Variants in GSK3B observed in about 807,000 individuals in gnomAD.
GSK3B encodes the protein glycogen synthase kinase-3 beta.
In GSK3B, 15 loss-of-function variants were observed where a neutral mutation model predicts 56.4. That is an observed-to-expected ratio of 0.27 (90% CI 0.18 to 0.41). The LOEUF (loss-of-function observed/expected upper bound fraction) is 0.41. Among genes scored for constraint, GSK3B ranks in the 10% least tolerant of loss-of-function variants. GSK3B has a pLI of 1.00. For synonymous variants in GSK3B, 181 were observed against 188.9 expected, an observed-to-expected ratio of 0.96 and a Z score of 0.34; for missense variants, 300 against 513.4, an observed-to-expected ratio of 0.58 and a Z score of 4.02.
At chr3:120,029,253 C>T in intron 1 of GSK3B, 2 of 721,550 alleles carry the variant, frequency 2.8e-6, no homozygotes, top group Non-Finnish European at 5.2e-6. Context: ...GTTATCACAG[C>T]TGCAAATGAA....
intron 3 of GSK3B, among the ~76,000 whole-genome samples, chr3:119,937,492 T>A (rs1056666810): frequency 5.3e-5 from 8 of 152,084 alleles, no homozygotes; most frequent in Admixed American, 6.5e-5. Flanking sequence ...CACATAAACC[T>A]CTTTCCTTTA....
intron 1 of GSK3B, among the ~76,000 whole-genome samples, chr3:120,066,945 G>A (rs139126145): frequency 0.021 from 3,194 of 152,136 alleles, 90 homozygotes; most frequent in South Asian, 0.069. Flanking sequence ...TTCCTTGGGC[G>A]ACACTGGAAG....
chr3:119,928,604 CAAAAAAATAAAAAAAAAAA>C (rs2056911140), intron 3 of GSK3B, among the ~76,000 whole-genome samples: 2 of 28,640 alleles, frequency 7.0e-5, no homozygotes, highest in Non-Finnish European at 1.5e-4. Flanking sequence ...GACTCCATAT[CAAAAAAATAAAAAAAAAAA>C]AAAAAAAAAA....
intron 9 of GSK3B, among the ~76,000 whole-genome samples, chr3:119,848,636 T>C (rs1007403260): frequency 5.9e-5 from 9 of 152,176 alleles, no homozygotes; most frequent in African/African-American, 2.2e-4. Flanking sequence ...AATTGTACTT[T>C]TAATGTAGTA....
At chr3:119,855,818 G>A (rs533150996) in intron 9 of GSK3B, among the ~76,000 whole-genome samples, 2 of 152,064 alleles carry the variant, frequency 1.3e-5, no homozygotes, top group African/African-American at 2.4e-5. Flanking sequence ...ATCACACACC[G>A]GGGCCTGTCG....
intron 2 of GSK3B, among the ~76,000 whole-genome samples, chr3:119,982,011 C>T (rs1191828450): frequency 6.6e-6 from 1 of 152,178 alleles, no homozygotes; most frequent in African/African-American, 2.4e-5. Context: ...GATCAGGCAG[C>T]AATATTTGCT....
At chr3:119,988,979 C>T (rs995581975) in intron 2 of GSK3B, among the ~76,000 whole-genome samples, 1 of 152,196 alleles carries the variant, frequency 6.6e-6, no homozygotes, top group African/African-American at 2.4e-5. Context: ...TGTTGCCTAA[C>T]ATTTTTCAGT....
At chr3:119,902,136 C>A (rs1168565073) in intron 7 of GSK3B, among the ~76,000 whole-genome samples, 2 of 152,078 alleles carry the variant, frequency 1.3e-5, no homozygotes, top group African/African-American at 4.8e-5. Context: ...TTCTTAAAGT[C>A]ATGTTTATCA....
intron 1 of GSK3B, among the ~76,000 whole-genome samples, chr3:120,093,144 T>C (rs1344068708): frequency 6.6e-6 from 1 of 152,110 alleles, no homozygotes; most frequent in Non-Finnish European, 1.5e-5. Context: ...TATCATATTA[T>C]CTCAATTCAA....
chr3:119,876,324 A>C (rs2056313004), intron 8 of GSK3B, 89 bp downstream of exon 8: 1 of 739,684 alleles, frequency 1.4e-6, no homozygotes, highest in East Asian at 2.5e-5. Flanking sequence ...TATTCATGCA[A>C]CTATCTGATC....
chr3:120,007,269 T>C (rs2057737914), intron 1 of GSK3B, among the ~76,000 whole-genome samples: 1 of 152,114 alleles, frequency 6.6e-6, no homozygotes. Context: ...CAATAATTAA[T>C]AGCCTACCAA....
chr3:120,077,153 A>G (rs1391106556), intron 1 of GSK3B, among the ~76,000 whole-genome samples: 1 of 152,234 alleles, frequency 6.6e-6, no homozygotes, highest in African/African-American at 2.4e-5. Context: ...CATATGACCC[A>G]GTAATTATTC....
At chr3:119,986,977 C>G (rs2057522527) in intron 2 of GSK3B, among the ~76,000 whole-genome samples, 1 of 152,190 alleles carries the variant, frequency 6.6e-6, no homozygotes, top group South Asian at 2.1e-4. Flanking sequence ...ACATATACAG[C>G]ATGGAATACT....
chr3:120,056,587 A>G (rs1442994115), intron 1 of GSK3B, among the ~76,000 whole-genome samples: 1 of 152,072 alleles, frequency 6.6e-6, no homozygotes, highest in Non-Finnish European at 1.5e-5. Context: ...TGATTGCCCC[A>G]CCTTGGCCTC....
At chr3:120,011,941 TCCC>T (rs1204370015) in intron 1 of GSK3B, among the ~76,000 whole-genome samples, 2 of 152,174 alleles carry the variant, frequency 1.3e-5, no homozygotes, top group Admixed American at 6.5e-5. Context: ...TTTAAAACCT[TCCC>T]ACTACCACTA....
At chr3:120,060,003 T>A (rs1029439336) in intron 1 of GSK3B, among the ~76,000 whole-genome samples, 3 of 152,210 alleles carry the variant, frequency 2.0e-5, no homozygotes, top group African/African-American at 7.2e-5. Flanking sequence ...AATCTTGTTA[T>A]ATGCCAGGCA....
At chr3:119,917,217 G>C (rs528424110) in intron 4 of GSK3B, among the ~76,000 whole-genome samples, 17 of 152,248 alleles carry the variant, frequency 1.1e-4, no homozygotes, top group Admixed American at 2.6e-4. Context: ...CTAAGGCTTA[G>C]GTTAATTAAA....
chr3:119,939,229 T>A (rs1215509259), intron 3 of GSK3B, among the ~76,000 whole-genome samples: 1 of 152,072 alleles, frequency 6.6e-6, no homozygotes, highest in Non-Finnish European at 1.5e-5. Flanking sequence ...ACAGGGATAA[T>A]ACAACATATT....
intron 1 of GSK3B, among the ~76,000 whole-genome samples, chr3:120,044,087 C>T (rs1224375591): frequency 6.6e-6 from 1 of 152,192 alleles, no homozygotes; most frequent in East Asian, 1.9e-4. Context: ...AATGGTGCTC[C>T]AGTCAACCGG....
Sources: gnomAD v4.1 joint callset for allele counts (sites outside exome capture counted in the v4.1 genomes callset) on GRCh38, gnomAD v4.1.1 for gene constraint, MANE v1.5 for transcripts, NCBI Gene and HGNC (gene_info 2026-07-23, HGNC 2026-07-21) for gene names.